Variants in RIMKLB observed in about 807,000 individuals in gnomAD.
RIMKLB encodes ribosomal modification protein rimK like family member B, also known as beta-citrylglutamate synthase B.
In RIMKLB, 7 loss-of-function variants were observed where a neutral mutation model predicts 32.0. The observed-to-expected ratio is 0.22, with a 90% confidence interval of 0.12 to 0.41. The LOEUF is 0.41. RIMKLB is among the 10% of genes least tolerant of loss of function. RIMKLB has a pLI of 1.00. For missense variants in RIMKLB, 289 were observed against 498.7 expected (o/e 0.58, Z 4.00); for synonymous variants, 172 against 185.1 (o/e 0.93, Z 0.57).
At chr12:8,756,291 A>T (rs912281918) in intron 5 of RIMKLB, among the ~76,000 whole-genome samples, 1 of 152,116 alleles carries the variant, frequency 6.6e-6, no homozygotes. Context: ...ACTGCACTCC[A>T]GCCTGTCTCA....
At position 8,773,980 on chromosome 12, in the gene RIMKLB, TAG is replaced by T. The variant is rs529849642; in HGVS notation, c.*201_*202del. ...TACTTTCATTTACAAATCCTACAAA[TAG>T]AGAGGCAGAATAGGTGGGGTATAGA... is the stretch of plus-strand genomic sequence containing the variant. On this transcript the variant is annotated 3_prime_UTR_variant, in exon 6 of 6. Transcript: ENST00000535829. The T allele has an allele frequency of 2.9e-6, 4 of 1,389,504 alleles. No homozygotes were observed. Among genetic ancestry groups the T allele is most frequent in the Non-Finnish European group, 3.7e-6 (4 of 1,075,692 alleles). The allele number at this position is 1,389,504 out of a possible 1,614,324, so 86.1% of individuals were successfully genotyped here. A position where few individuals can be genotyped will look rare whatever the true frequency, so the allele number is the denominator to read the frequency against.
chr12:8,711,260 G>A (rs1019174193), intron 1 of RIMKLB, among the ~76,000 whole-genome samples: 3 of 151,544 alleles, frequency 2.0e-5, no homozygotes, highest in African/African-American at 7.3e-5. Context: ...TTAGCCTGAT[G>A]TGATTTGCTC....
chr12:8,734,347 A>C (rs1302098734), intron 2 of RIMKLB, among the ~76,000 whole-genome samples: 1 of 152,208 alleles, frequency 6.6e-6, no homozygotes, highest in East Asian at 1.9e-4. Flanking sequence ...ATGGCTGGAA[A>C]TAGAATGAGC....
chr12:8,689,642 CTT>C (rs1404343116), intron 1 of RIMKLB, among the ~76,000 whole-genome samples: 3 of 152,146 alleles, frequency 2.0e-5, no homozygotes, highest in Non-Finnish European at 4.4e-5. Context: ...GTCTCCTTCA[CTT>C]TTTCCTCACC....
chr12:8,773,188 C>T, intron 5 of RIMKLB, 133 bp from the exon 6 acceptor site: 1 of 645,238 alleles, frequency 1.5e-6, no homozygotes, highest in Non-Finnish European at 2.7e-6. Context: ...CTTAGAAGTC[C>T]TAATTTTACA....
chr12:8,777,458 T>C (rs1950803079), downstream of RIMKLB: 3 of 1,107,306 alleles, frequency 2.7e-6, no homozygotes, highest in East Asian at 1.4e-4. Context: ...TTGGGGTGGC[T>C]GCCTAACTCT....
At chr12:8,735,112 G>A (rs1946875309) in intron 2 of RIMKLB, among the ~76,000 whole-genome samples, 1 of 152,146 alleles carries the variant, frequency 6.6e-6, no homozygotes, top group Non-Finnish European at 1.5e-5. Flanking sequence ...AAGTTTGTAG[G>A]TCAAATCAAA....
chr12:8,763,311 G>GGCCTGTTGGCAA (rs1168240384), intron 5 of RIMKLB, among the ~76,000 whole-genome samples: 5 of 152,068 alleles, frequency 3.3e-5, no homozygotes, highest in African/African-American at 1.2e-4. Flanking sequence ...GAAAAGTCTT[G>GGCCTGTTGGCAA]GCCTGTTGGC....
chr12:8,704,769 A>G (rs1306082288), intron 1 of RIMKLB, among the ~76,000 whole-genome samples: 1 of 151,962 alleles, frequency 6.6e-6, no homozygotes, highest in East Asian at 1.9e-4. Flanking sequence ...ATTTTGCTTG[A>G]GGCCAGGAGT....
chr12:8,745,050 T>C (rs1477730492), intron 2 of RIMKLB, among the ~76,000 whole-genome samples: 2 of 151,916 alleles, frequency 1.3e-5, no homozygotes, highest in Non-Finnish European at 2.9e-5. Context: ...TGTGTCTGTG[T>C]GTTCTCATTG....
Position 8,749,953 on chromosome 12 carries a change from C to A in RIMKLB, c.267C>A (p.Ile89=). The A allele has an allele frequency of 6.2e-7, 1 of 1,613,702 alleles. No homozygotes were observed. Residue 89 remains isoleucine (I), a synonymous_variant, in exon 3 of 6, where the codon ATC becomes ATA. Coordinates refer to ENST00000535829, the MANE Select transcript of RIMKLB (RefSeq NM_001297776.2). ...PTPWVQSDSD[I]TVLRHLEKMG... is the part of the protein sequence containing the mutation. ...CTTGGGTGCAAAGTGATAGTGACAT[C>A]ACTGTTTTGCGCCATCTAGAGAAGA...
At chr12:8,693,454 T>C (rs905193152), upstream of RIMKLB, among the ~76,000 whole-genome samples, 1 of 151,496 alleles carries the variant, frequency 6.6e-6, no homozygotes, top group Admixed American at 6.6e-5. Context: ...CGGAGTGCAG[T>C]GGCACTATCT....
At chr12:8,705,632 C>T (rs2136793889) in intron 1 of RIMKLB, among the ~76,000 whole-genome samples, 1 of 152,232 alleles carries the variant, frequency 6.6e-6, no homozygotes, top group African/African-American at 2.4e-5. Flanking sequence ...AGTCAGGGTT[C>T]TCCAGGGAAA....
At chr12:8,758,510 CT>C (rs776835072) in intron 5 of RIMKLB, among the ~76,000 whole-genome samples, 8 of 151,894 alleles carry the variant, frequency 5.3e-5, no homozygotes, top group Non-Finnish European at 8.8e-5. Context: ...ATTTCTTCTT[CT>C]TTTTTTTGAT....
chr12:8,777,479 C>G (rs774762463), downstream of RIMKLB: 2 of 1,110,132 alleles, frequency 1.8e-6, no homozygotes, highest in South Asian at 2.2e-5. Flanking sequence ...AGTGAAAATT[C>G]TTTCTATATT....
intron 5 of RIMKLB, among the ~76,000 whole-genome samples, chr12:8,772,592 TA>T (rs1365375871): frequency 6.6e-6 from 1 of 152,224 alleles, no homozygotes; most frequent in Non-Finnish European, 1.5e-5. Context: ...GCCTCAGTGG[TA>T]GGGAGGATCC....
At chr12:8,688,701 A>T (rs1046400539) in intron 1 of RIMKLB, among the ~76,000 whole-genome samples, 1 of 89,818 alleles carries the variant, frequency 1.1e-5, no homozygotes, top group South Asian at 2.6e-4. Context: ...TTATATAATT[A>T]AAAAAACTTG....
At chr12:8,745,706 T>C (rs1948022021) in intron 2 of RIMKLB, among the ~76,000 whole-genome samples, 1 of 148,790 alleles carries the variant, frequency 6.7e-6, no homozygotes, top group African/African-American at 2.5e-5. Context: ...TTTTTTTTTT[T>C]TTTTTAAACA....
At chr12:8,683,516 G>A (rs1457205471) in intron 1 of RIMKLB, among the ~76,000 whole-genome samples, 1 of 152,146 alleles carries the variant, frequency 6.6e-6, no homozygotes, top group Non-Finnish European at 1.5e-5. Context: ...ATAATGTGCA[G>A]CACCTTTCCA....
Sources: allele counts gnomAD v4.1 joint callset (sites outside exome capture counted in the v4.1 genomes callset), GRCh38; gene constraint gnomAD v4.1.1; transcripts MANE v1.5; gene names NCBI Gene and HGNC (gene_info 2026-07-23, HGNC 2026-07-21).